Variants in PLD5 observed in about 807,000 individuals in gnomAD.
The protein encoded by PLD5 is inactive phospholipase D5.
PLD5 carries 36 observed loss-of-function variants against 61.1 expected under a neutral mutation model. That is an observed-to-expected ratio of 0.59 (90% CI 0.45 to 0.78). PLD5 has a LOEUF of 0.78. Among genes scored for constraint, PLD5 ranks in the 30% least tolerant of loss-of-function variants. PLD5 has a pLI of 0.00. For synonymous variants in PLD5, 243 were observed against 242.8 expected (o/e 1.00, Z -0.01); for missense variants, 515 against 644.4 (o/e 0.80, Z 2.17).
intron 1 of PLD5, among the ~76,000 whole-genome samples, chr1:242,401,195 C>T (rs1663912072): frequency 6.6e-6 from 1 of 152,168 alleles, no homozygotes; most frequent in Non-Finnish European, 1.5e-5. Context: ...CTTCTACTCA[C>T]ATCAATTCCA....
intron 6 of PLD5, among the ~76,000 whole-genome samples, chr1:242,115,165 A>G (rs1169571060): frequency 6.6e-6 from 1 of 152,090 alleles, no homozygotes; most frequent in Non-Finnish European, 1.5e-5. Context: ...GTGACAGAGC[A>G]AGATGCTGTC....
At chr1:242,193,857 A>G (rs1046959595) in intron 5 of PLD5, among the ~76,000 whole-genome samples, 3 of 152,224 alleles carry the variant, frequency 2.0e-5, no homozygotes, top group African/African-American at 7.2e-5. Flanking sequence ...TAAATGTTTT[A>G]TAAACTAAGT....
chr1:242,308,376 G>T (rs115480445), intron 2 of PLD5, among the ~76,000 whole-genome samples: 1,749 of 152,256 alleles, frequency 0.011, 21 homozygotes, highest in African/African-American at 0.039. Flanking sequence ...GCCGAAGTCT[G>T]TCTGCTACTC....
chr1:242,482,607 G>A (rs929810369), intron 1 of PLD5, among the ~76,000 whole-genome samples: 2 of 152,196 alleles, frequency 1.3e-5, no homozygotes, highest in Admixed American at 1.3e-4. Context: ...GTAATGGGGA[G>A]AATGGAACCA....
chr1:242,411,385 G>A (rs972307484), intron 1 of PLD5, among the ~76,000 whole-genome samples: 1 of 152,064 alleles, frequency 6.6e-6, no homozygotes, highest in African/African-American at 2.4e-5. Flanking sequence ...ACAGGCGCCC[G>A]CCACCACGCC....
At chr1:242,158,558 G>A (rs182840521) in intron 5 of PLD5, among the ~76,000 whole-genome samples, 28 of 152,202 alleles carry the variant, frequency 1.8e-4, no homozygotes, top group African/African-American at 6.0e-4. Context: ...GCTTACCTTC[G>A]GTAGGGGAGA....
chr1:242,272,036 A>G (rs1304867847), intron 3 of PLD5, among the ~76,000 whole-genome samples: 2 of 152,190 alleles, frequency 1.3e-5, no homozygotes, highest in Non-Finnish European at 2.9e-5. Flanking sequence ...AGAAAAAAAT[A>G]TATTAGAAGG....
intron 1 of PLD5, among the ~76,000 whole-genome samples, chr1:242,456,867 C>T (rs922838303): frequency 1.1e-4 from 16 of 152,144 alleles, no homozygotes; most frequent in Non-Finnish European, 1.8e-4. Context: ...CCAAAATCCC[C>T]GCCCGACACT....
intron 8 of PLD5, among the ~76,000 whole-genome samples, chr1:242,106,329 G>C (rs1661052760): frequency 6.6e-6 from 1 of 152,200 alleles, no homozygotes; most frequent in Non-Finnish European, 1.5e-5. Flanking sequence ...CACATCACTG[G>C]AAGACTCTGT....
At chr1:242,448,975 G>A (rs891704018) in intron 1 of PLD5, among the ~76,000 whole-genome samples, 7 of 152,104 alleles carry the variant, frequency 4.6e-5, no homozygotes, top group African/African-American at 1.7e-4. Context: ...CAAACATATC[G>A]AGAAAACAGA....
At chr1:242,183,665 G>A (rs979451887) in intron 5 of PLD5, among the ~76,000 whole-genome samples, 2 of 152,180 alleles carry the variant, frequency 1.3e-5, no homozygotes, top group African/African-American at 4.8e-5. Context: ...GGAGGCCGAG[G>A]CAGGTGGATC....
At chr1:242,198,508 G>T (rs1217309010) in intron 5 of PLD5, among the ~76,000 whole-genome samples, 1 of 151,612 alleles carries the variant, frequency 6.6e-6, no homozygotes, top group Non-Finnish European at 1.5e-5. Context: ...AGCTCTTTGG[G>T]TTTGTGTATT....
In PLD5 at chr1:242,377,110, C is replaced by A. The variant is rs954664966; in HGVS notation, c.190-28868G>T. 5.0e-6 allele frequency: 8 copies of A among 1,611,626 alleles called. No individual in the cohort carries two copies. The South Asian group carries it at 5.5e-5, about 11-fold the overall frequency. On this transcript the variant is annotated intron_variant, in intron 1 of 9. Transcript: ENST00000536534. Reference sequence around the variant, plus strand: ...TTCTCCTGTTGGTTATCTTCCCCAGCCCCATTTTGCTTGGACACTGGCTGA... The same window carrying A: ...TTCTCCTGTTGGTTATCTTCCCCAGACCCATTTTGCTTGGACACTGGCTGA...
Position 242,487,988 on chromosome 1 carries a change from A to T in PLD5, c.189+36100T>A, listed in dbSNP as rs188190034. 8.4e-3 allele frequency among the ~76,000 whole-genome samples: 1,273 copies of T among 152,236 alleles called. 5 individuals are homozygous for T. Among genetic ancestry groups the T allele is most frequent in the Non-Finnish European group, 0.014 (959 of 68,012 alleles). On this transcript the variant is annotated intron_variant, in intron 1 of 9. Coordinates refer to ENST00000536534, the MANE Select transcript of PLD5 (RefSeq NM_001372062.1). ...ATTTACTTAATAGTAGCTGTTTTTT[A>T]AAACATGTATGTATGTAGGTGTGCA... is the stretch of plus-strand genomic sequence containing the variant.
At chr1:242,403,593 T>C (rs1664061439) in intron 1 of PLD5, among the ~76,000 whole-genome samples, 1 of 152,028 alleles carries the variant, frequency 6.6e-6, no homozygotes, top group South Asian at 2.1e-4. Flanking sequence ...GCCTCCCCAG[T>C]AGCTGGGATT....
chr1:242,337,038 A>G (rs1659554973), intron 2 of PLD5, among the ~76,000 whole-genome samples: 1 of 151,970 alleles, frequency 6.6e-6, no homozygotes, highest in African/African-American at 2.4e-5. Flanking sequence ...CACAGTAGGT[A>G]GACGAGCTGA....
chr1:242,333,207 A>G (rs1332554856), intron 2 of PLD5, among the ~76,000 whole-genome samples: 2 of 152,320 alleles, frequency 1.3e-5, no homozygotes, highest in African/African-American at 2.4e-5. Context: ...AACTTTGCAC[A>G]TAAGAAAGCA....
chr1:242,520,992 A>G (rs1669261758), intron 1 of PLD5, among the ~76,000 whole-genome samples: 1 of 152,252 alleles, frequency 6.6e-6, no homozygotes, highest in African/African-American at 2.4e-5. Context: ...TATGAAGCAG[A>G]ACAGGAAACA....
Position 242,086,488 on chromosome 1 carries a change from C to T in PLD5, c.*3366G>A, listed in dbSNP as rs1427533818. ...ACTTCCTCTCCAATGGTTGGACAAG[C>T]AGAGATTCAATTATTTGATAGGCTA... is the stretch of plus-strand genomic sequence containing the variant. On this transcript the variant is annotated 3_prime_UTR_variant, in exon 10 of 10. Transcript: ENST00000536534. The T allele has an allele frequency of 6.6e-6, 1 of 152,094 alleles. No homozygotes were observed. The highest frequency in any genetic ancestry group is 2.4e-5 in the African/African-American group (1 of 41,398). The allele number at this position is 152,094 out of a possible 1,614,324, so 9.4% of individuals were successfully genotyped here.
Sources: gnomAD v4.1 joint callset for allele counts (sites outside exome capture counted in the v4.1 genomes callset) on GRCh38, gnomAD v4.1.1 for gene constraint, MANE v1.5 for transcripts, NCBI Gene and HGNC (gene_info 2026-07-23, HGNC 2026-07-21) for gene names.